EYA3: variants seen among roughly 807,000 people sequenced by gnomAD.
The protein encoded by EYA3 is EYA transcriptional coactivator and phosphatase 3, also known as protein phosphatase EYA3.
A neutral mutation model predicts 80.0 loss-of-function variants in EYA3; 39 were observed. That is an observed-to-expected ratio of 0.49 (90% CI 0.38 to 0.64). The LOEUF (loss-of-function observed/expected upper bound fraction) is 0.64. Ranked by LOEUF, EYA3 falls within the 30% of genes least tolerant of loss-of-function variation. The pLI is 0.00. For missense variants in EYA3, 523 were observed against 676.1 expected (o/e 0.77, Z 2.51); for synonymous variants, 206 against 232.8 (o/e 0.88, Z 1.05).
intron 15 of EYA3, among the ~76,000 whole-genome samples, chr1:27,988,940 T>C (rs1191345981): frequency 2.0e-5 from 3 of 152,194 alleles, no homozygotes; most frequent in Admixed American, 6.5e-5. Flanking sequence ...TCACAAGTAC[T>C]TGATAAATAC....
rs557436050 is a variant in EYA3 at position 28,039,618 on chromosome 1, C to T, written c.158-713G>A. On this transcript the variant is annotated intron_variant, in intron 4 of 17. Coordinates refer to ENST00000373871, the MANE Select transcript of EYA3 (RefSeq NM_001990.4). ...TCATGATTACTACTTCTGGTATGAA[C>T]GCTGTAAATATCTGATTAAAAGTGA... 9.7e-4 allele frequency among the ~76,000 whole-genome samples: 147 copies of T among 152,214 alleles called. 1 individual carries two copies. Among genetic ancestry groups the T allele is most frequent in the Middle Eastern group, 3.4e-3 (1 of 294 alleles).
intron 1 of EYA3, among the ~76,000 whole-genome samples, chr1:28,062,190 G>A (rs576360459): frequency 8.1e-4 from 123 of 152,152 alleles, no homozygotes; most frequent in African/African-American, 2.9e-3. Flanking sequence ...AAATACACTT[G>A]TTTTATCACC....
chr1:28,060,781 C>T (rs560074662), intron 1 of EYA3, among the ~76,000 whole-genome samples: 2 of 152,220 alleles, frequency 1.3e-5, no homozygotes, highest in South Asian at 4.1e-4. Context: ...TTTGGGACGC[C>T]GAGGCAGGCG....
intron 1 of EYA3, among the ~76,000 whole-genome samples, chr1:28,065,670 C>T (rs1644811177): frequency 6.6e-6 from 1 of 151,770 alleles, no homozygotes. Context: ...TCTGTATTGC[C>T]AGCAACACTA....
chr1:28,035,403 G>T (rs1643390294), intron 6 of EYA3, 141 bp downstream of exon 6: 2 of 768,046 alleles, frequency 2.6e-6, no homozygotes, highest in Non-Finnish European at 4.2e-6. Context: ...TTTATTACAT[G>T]CATCAAACAT....
At chr1:27,986,850 G>A (rs1639692679) in intron 16 of EYA3, among the ~76,000 whole-genome samples, 1 of 152,066 alleles carries the variant, frequency 6.6e-6, no homozygotes, top group Admixed American at 6.6e-5. Flanking sequence ...CTGCAGGCGA[G>A]TGCCACCACG....
chr1:28,073,127 A>ATATATATATATATATTTTTTTTTTT (rs1553157671), intron 1 of EYA3, among the ~76,000 whole-genome samples: 1 of 15,002 alleles, frequency 6.7e-5, no homozygotes, highest in Non-Finnish European at 1.1e-4. Flanking sequence ...ATATATATAT[A>ATATATATATATATATTTTTTTTTTT]TTTTTTTTTT....
chr1:28,054,466 C>T (rs1257084851), intron 2 of EYA3, among the ~76,000 whole-genome samples: 1 of 152,198 alleles, frequency 6.6e-6, no homozygotes, highest in Non-Finnish European at 1.5e-5. Flanking sequence ...GCAAGCACCT[C>T]AATTATTTTA....
rs1265280699 is a variant in EYA3 at position 28,013,560 on chromosome 1, T to C, written c.586-266A>G. 6.6e-6 allele frequency among the ~76,000 whole-genome samples: 1 copy of C among 152,146 alleles called. No homozygotes were observed. Among genetic ancestry groups the C allele is most frequent in the Non-Finnish European group, 1.5e-5 (1 of 68,028 alleles). ...AGGGTCTTCTGTACTCTCATAAACA[T>C]ACACATGGTGTCCCTTTTTGTACTC... On this transcript the variant is annotated intron_variant, in intron 8 of 17. Transcript: ENST00000373871. This position sits in a 1 kb window ranked among gnomAD's most constrained non-coding sequence, Gnocchi z 4.0.
chr1:27,970,577 A>G lies in EYA3; in HGVS notation c.*3889T>C, dbSNP rs1433836964. 6.6e-6 allele frequency: 1 copy of G among 152,228 alleles called. No individual in the cohort carries two copies. Among genetic ancestry groups the G allele is most frequent in the Non-Finnish European group, 1.5e-5 (1 of 68,042 alleles). The allele number at this position is 152,228 out of a possible 1,614,324, so 9.4% of individuals were successfully genotyped here. ...CTGTCAGTGCATTAGGAACTAGCCAAGGAGCCTTGCTTGCCAGAGCTGTCT... is the reference window on the plus strand; with the variant it reads ...CTGTCAGTGCATTAGGAACTAGCCAGGGAGCCTTGCTTGCCAGAGCTGTCT... On this transcript the variant is annotated 3_prime_UTR_variant, in exon 18 of 18. Coordinates refer to ENST00000373871, the MANE Select transcript of EYA3 (RefSeq NM_001990.4).
intron 1 of EYA3, among the ~76,000 whole-genome samples, chr1:28,077,708 A>T (rs534007638): frequency 6.6e-6 from 1 of 152,352 alleles, no homozygotes; most frequent in South Asian, 2.1e-4. Flanking sequence ...CTGTTTGAAG[A>T]TCCAGACTCA....
chr1:28,051,703 A>G (rs998833502), intron 2 of EYA3, among the ~76,000 whole-genome samples: 1 of 152,150 alleles, frequency 6.6e-6, no homozygotes, highest in Non-Finnish European at 1.5e-5. Flanking sequence ...ACAAACAAAC[A>G]AAAAAACTTA....
chr1:28,063,790 T>C (rs1208663266), intron 1 of EYA3, among the ~76,000 whole-genome samples: 1 of 152,220 alleles, frequency 6.6e-6, no homozygotes, highest in Non-Finnish European at 1.5e-5. Flanking sequence ...GAACGTTTAA[T>C]ACTATTCATT....
intron 1 of EYA3, among the ~76,000 whole-genome samples, chr1:28,059,383 C>T (rs1187781694): frequency 6.6e-6 from 1 of 152,354 alleles, no homozygotes; most frequent in East Asian, 1.9e-4. Flanking sequence ...TCTCCTACTA[C>T]ATGACACAGG....
At chr1:28,000,363 A>G (rs764356875) in intron 11 of EYA3, among the ~76,000 whole-genome samples, 3 of 151,430 alleles carry the variant, frequency 2.0e-5, no homozygotes, top group Non-Finnish European at 4.4e-5. Context: ...CCCAGGCTGG[A>G]GTGCAGTGGT....
chr1:27,977,375 T>C, intron 17 of EYA3: 1 of 1,550,332 alleles, frequency 6.5e-7, no homozygotes, highest in Non-Finnish European at 8.7e-7. Flanking sequence ...CCTCCATGTC[T>C]AAGAAATAGA....
rs968566734 is a variant in EYA3 at position 27,972,468 on chromosome 1, T to C, written c.*1998A>G. ...GTTATGAGCGCTTTTCAATGAGTTC[T>C]GAAGGAATGTGTATACCAGCCTCTC... is the stretch of plus-strand genomic sequence containing the variant. On this transcript the variant is annotated 3_prime_UTR_variant, in exon 18 of 18. Coordinates refer to ENST00000373871, the MANE Select transcript of EYA3 (RefSeq NM_001990.4). 14 of 152,248 alleles carry C rather than the reference T, an allele frequency of 9.2e-5. No homozygotes were observed. The highest frequency in any genetic ancestry group is 3.1e-4 in the African/African-American group (13 of 41,450). 9.4% of individuals were successfully genotyped at this position (152,248 alleles called of 1,614,324 possible). A position where few individuals can be genotyped will look rare whatever the true frequency, so the allele number is the denominator to read the frequency against.
rs191899953 is a variant in EYA3 at position 28,004,192 on chromosome 1, T to C, written c.993+144A>G. On this transcript the variant is annotated intron_variant, in intron 11 of 17. Transcript: ENST00000373871. ...ATGTAGCCTGCCTAATACAAGCCAT[T>C]TGCAAGCCATTTGTTGAAGTTTTAC... 2.4e-3 allele frequency: 1,290 copies of C among 544,398 alleles called. 9 individuals are homozygous for C. Among genetic ancestry groups the C allele is most frequent in the Middle Eastern group, 9.8e-3 (35 of 3,554 alleles). 33.7% of individuals were successfully genotyped at this position (544,398 alleles called of 1,614,324 possible). A position where few individuals can be genotyped will look rare whatever the true frequency, so the allele number is the denominator to read the frequency against.
intron 2 of EYA3, among the ~76,000 whole-genome samples, chr1:28,052,404 G>A (rs1644283737): frequency 6.6e-6 from 1 of 152,182 alleles, no homozygotes; most frequent in South Asian, 2.1e-4. Flanking sequence ...AGAATTGAGA[G>A]TCCTGAAATA....
Sources: gnomAD v4.1 joint callset for allele counts (sites outside exome capture counted in the v4.1 genomes callset) on GRCh38, gnomAD v4.1.1 for gene constraint, Gnocchi (gnomAD v3.1) non-coding constraint, MANE v1.5 for transcripts, NCBI Gene and HGNC (gene_info 2026-07-23, HGNC 2026-07-21) for gene names.